Variants in MAP3K11 observed in about 807,000 individuals in gnomAD.
MAP3K11 encodes mitogen-activated protein kinase kinase kinase 11.
MAP3K11 carries 46 observed loss-of-function variants against 84.9 expected under a neutral mutation model. The observed-to-expected ratio is 0.54, with a 90% CI of 0.43 to 0.69. The LOEUF is 0.69. Ranked by LOEUF, MAP3K11 falls within the 30% of genes least tolerant of loss-of-function variation. The pLI, the probability that MAP3K11 is intolerant of heterozygous loss-of-function variation, is 0.00. For synonymous variants in MAP3K11, 527 were observed against 514.7 expected (o/e 1.02, Z -0.32); for missense variants, 1,053 against 1,198.3 (o/e 0.88, Z 1.79).
rs778152793 is a variant in MAP3K11, at chr11:65,599,668, C to T, written c.1932G>A (p.Ala644=). The T allele has an allele frequency of 1.3e-6, 2 of 1,551,952 alleles. No individual in the cohort carries two copies. The highest frequency in any genetic ancestry group is 1.7e-6 in the Non-Finnish European group (2 of 1,154,004). ...SSGTPKLIQR[A]LLRGTALLAS... is the part of the protein sequence containing the mutation. Reference sequence around the variant, plus strand: ...CGAGCAGGGCGGTGCCGCGCAGCAGCGCCCGCTGGATCAGCTTGGGCGTCC... The same window carrying T: ...CGAGCAGGGCGGTGCCGCGCAGCAGTGCCCGCTGGATCAGCTTGGGCGTCC... The change falls in exon 9 of 10, where the codon GCG becomes GCA. Residue 644 remains alanine, a synonymous_variant. Coordinates refer to ENST00000309100, the MANE Select transcript of MAP3K11 (RefSeq NM_002419.4).
intron 9 of MAP3K11, 125 bp downstream of exon 9, chr11:65,599,269 G>A (rs1186032798): frequency 1.2e-5 from 14 of 1,202,754 alleles, no homozygotes; most frequent in African/African-American, 3.2e-5. Flanking sequence ...CGAATGCCTG[G>A]TTCAGGGTCC....
chr11:65,606,424 CAAATAG>C (rs1187215617), intron 6 of MAP3K11: 1 of 422,178 alleles, frequency 2.4e-6, no homozygotes, highest in Non-Finnish European at 4.1e-6. Flanking sequence ...AAATAACTAC[CAAATAG>C]AATTATTGCA....
Position 65,607,710 on chromosome 11 carries a change from G to A in MAP3K11, c.1176C>T (p.Phe392=), listed in dbSNP as rs750850744. The A allele has an allele frequency of 6.2e-7, 1 of 1,613,810 alleles. No homozygotes were observed. Among genetic ancestry groups the A allele is most frequent in the East Asian group, 2.2e-5 (1 of 44,862 alleles). Residue 392 remains phenylalanine, a synonymous_variant, in exon 4 of 10, where the codon TTC becomes TTT. Coordinates refer to ENST00000309100, the MANE Select transcript of MAP3K11 (RefSeq NM_002419.4). ...GCTTCCAGCCTTCCTGCATGGAATG[G>A]AAGGAGTCCCGCGGCATTTCCCGTA... The part of the protein sequence containing the change: ...QVLREMPRDS[F]HSMQEGWKRE...
At chr11:65,612,042 T>A (rs1854575882) in intron 1 of MAP3K11, 2 of 152,292 alleles carry the variant, frequency 1.3e-5, no homozygotes, top group Admixed American at 1.3e-4. Context: ...AATATCCACG[T>A]TGACCCCCCT....
intron 8 of MAP3K11, among the ~76,000 whole-genome samples, chr11:65,600,988 G>GT (rs2135363971): frequency 6.6e-6 from 1 of 152,322 alleles, no homozygotes; most frequent in Admixed American, 6.5e-5. Flanking sequence ...CACTGCCACT[G>GT]AAGGGACAAG....
intron 6 of MAP3K11, chr11:65,606,432 A>G (rs1051275594): frequency 2.3e-6 from 1 of 425,568 alleles, no homozygotes; most frequent in Non-Finnish European, 4.1e-6. Flanking sequence ...ACCAAATAGA[A>G]TTATTGCAAG....
chr11:65,613,625 C>G lies in MAP3K11; in HGVS notation c.132G>C (p.Pro44=). 2.5e-6 allele frequency: 4 copies of G among 1,613,032 alleles called. No individual in the cohort carries two copies. The highest frequency in any genetic ancestry group is 3.4e-6 in the Non-Finnish European group (4 of 1,180,002). ...CGTAGTCGAACAGGGCTGTCCACAC[C>G]GGGTTGGCATAACCCGCTGCCTTTG... is the stretch of plus-strand genomic sequence containing the variant. ...GSPKAAGYAN[P]VWTALFDYEP... The change falls in exon 1 of 10, where the codon CCG becomes CCC. Residue 44 remains proline (P), a synonymous_variant. Transcript: ENST00000309100.
At chr11:65,606,282 GT>G (rs768786864) in intron 6 of MAP3K11, 82 of 532,540 alleles carry the variant, frequency 1.5e-4, no homozygotes, top group Non-Finnish European at 2.3e-4. Context: ...TTGGGCTGAA[GT>G]TTGCTGCTTA....
At chr11:65,599,816 G>T in intron 8 of MAP3K11, 48 bp from the exon 9 acceptor site, 1 of 1,569,608 alleles carries the variant, frequency 6.4e-7, no homozygotes. Flanking sequence ...TGCATATTCC[G>T]GGTGAGGGCC....
chr11:65,608,243 C>T (rs931256213), intron 2 of MAP3K11, 25 bp downstream of exon 2: 33 of 1,607,706 alleles, frequency 2.1e-5, no homozygotes, highest in African/African-American at 5.3e-5. Flanking sequence ...CGTAGCAGCC[C>T]GTCCAGCCCC....
intron 8 of MAP3K11, among the ~76,000 whole-genome samples, chr11:65,604,996 C>T (rs949575730): frequency 1.3e-5 from 2 of 152,150 alleles, no homozygotes; most frequent in South Asian, 2.1e-4. Flanking sequence ...GCAGTCTATA[C>T]GTGAGAAGCC....
In MAP3K11 at chr11:65,601,914, A is replaced by G. The variant is rs564349949; in HGVS notation, c.1832-2146T>C. Among the ~76,000 whole-genome samples, 9 of 151,884 alleles carry G rather than the reference A, an allele frequency of 5.9e-5. No homozygotes were observed. The East Asian group carries it at 1.7e-3, about 29-fold the overall frequency. On this transcript the variant is annotated intron_variant, in intron 8 of 9. Transcript: ENST00000309100. ...AGGGGAAATCATGTTTAAAAAAAAG[A>G]AAGAGTTGGCCGGGTGCGGTGGCTC...
In MAP3K11 at chr11:65,606,068, C is replaced by T. The variant is rs1340592302; in HGVS notation, c.1617G>A (p.Glu539=). The change falls in exon 7 of 10, where the codon GAG becomes GAA. Residue 539 remains glutamate, a synonymous_variant. Transcript: ENST00000309100. ...ACTGGCGGCCCCATGCCTGGCCTGG[C>T]TCTGCAGGCTCCACTGCAGGGGAAA... ...RFRAIQLEPA[E]PGQAWGRQSP... The T allele has an allele frequency of 1.3e-6, 2 of 1,576,692 alleles. No homozygotes were observed. Among genetic ancestry groups the T allele is most frequent in the South Asian group, 1.2e-5 (1 of 86,770 alleles).
chr11:65,604,245 C>T (rs1356529622), intron 8 of MAP3K11, among the ~76,000 whole-genome samples: 1 of 152,240 alleles, frequency 6.6e-6, no homozygotes, highest in African/African-American at 2.4e-5. Context: ...GGGCCCAGGC[C>T]CCTTGTGCCC....
chr11:65,600,437 G>A (rs548013483), intron 8 of MAP3K11, among the ~76,000 whole-genome samples: 61 of 152,366 alleles, frequency 4.0e-4, no homozygotes, highest in African/African-American at 1.4e-3. Context: ...AGGGGTTCCA[G>A]GCTCAGAGAG....
chr11:65,607,420 G>C lies in MAP3K11; in HGVS notation c.1339C>G (p.Gln447Glu). ...CGCTCGAACACCTCTAGCTCCCACT[G>C]GGCCAGCAGGTGCTCGCGCCGCCGC... ...QLRRREHLLA[Q>E]WELEVFEREL... The change falls in exon 5 of 10, where the codon CAG becomes GAG. Residue 447 changes from glutamine (Q) to glutamate (E), a missense_variant. Physicochemically the swap from Gln to Glu is conservative, Grantham distance 29. Around this residue, in one of 3 missense-constraint regions of MAP3K11, gnomAD observed 310 missense variants for 464.5 expected, o/e 0.67. Transcript: ENST00000309100. The C allele has an allele frequency of 6.7e-7, 1 of 1,498,602 alleles. No individual in the cohort carries two copies. The highest frequency in any genetic ancestry group is 8.8e-7 in the Non-Finnish European group (1 of 1,132,398). The allele number at this position is 1,498,602 out of a possible 1,614,324, so 92.8% of individuals were successfully genotyped here. A position where few individuals can be genotyped will look rare whatever the true frequency, so the allele number is the denominator to read the frequency against.
In MAP3K11 at chr11:65,613,072, G is replaced by A; in HGVS notation, c.685C>T (p.Leu229=). 1 of 1,535,410 alleles carries A rather than the reference G, an allele frequency of 6.5e-7. No homozygotes were observed. Among genetic ancestry groups the A allele is most frequent in the Non-Finnish European group, 8.8e-7 (1 of 1,141,006 alleles). The change falls in exon 1 of 10, where the codon CTG becomes TTG. Residue 229 remains leucine (L), a synonymous_variant. Transcript: ENST00000309100. The stretch of plus-strand genomic sequence containing the variant: ...ACGGGCACCAGGGCCTCGCAGTGCA[G>A]GTAGTGCATCCCACGGGCAATCTGC... ...AVQIARGMHY[L]HCEALVPVIH... is the part of the protein sequence containing the mutation.
At chr11:65,599,169 T>A (rs1315641075) in intron 9 of MAP3K11, among the ~76,000 whole-genome samples, 1 of 152,154 alleles carries the variant, frequency 6.6e-6, no homozygotes, top group East Asian at 1.9e-4. Context: ...GATTACTTCT[T>A]TTATTTCACA....
chr11:65,605,796 G>T lies in MAP3K11; in HGVS notation c.1796C>A (p.Pro599His). The T allele has an allele frequency of 6.2e-7, 1 of 1,612,794 alleles. No homozygotes were observed. Among genetic ancestry groups the T allele is most frequent in the Non-Finnish European group, 8.5e-7 (1 of 1,179,460 alleles). Reference sequence around the variant, plus strand: ...TGGGGGTGTGGAAGGAGATCCTAAGGGGGATGAGTCATCTGAATCCAGGTA... The same window carrying T: ...TGGGGGTGTGGAAGGAGATCCTAAGTGGGATGAGTCATCTGAATCCAGGTA... Reference protein sequence around the residue: ...TWYLDSDDSSPLGSPSTPPAL... With the variant: ...TWYLDSDDSSHLGSPSTPPAL... Residue 599 changes from proline (P) to histidine (H), a missense_variant, in exon 8 of 10, where the codon CCC (proline) becomes CAC (histidine). Physicochemically the swap from Pro to His is moderately conservative, Grantham distance 77. Coordinates refer to ENST00000309100, the MANE Select transcript of MAP3K11 (RefSeq NM_002419.4).
Sources: allele counts gnomAD v4.1 joint callset (sites outside exome capture counted in the v4.1 genomes callset), GRCh38; gene constraint gnomAD v4.1.1; regional missense constraint gnomAD v4.1.1; transcripts MANE v1.5; gene names NCBI Gene and HGNC (gene_info 2026-07-23, HGNC 2026-07-21).